MYO1D: variants seen among roughly 807,000 people sequenced by gnomAD.
The protein encoded by MYO1D is myosin ID, also known as unconventional myosin-Id.
Under a neutral mutation model 122.0 loss-of-function variants are expected in MYO1D, and 83 were observed. That is an observed-to-expected ratio of 0.68 (90% CI 0.57 to 0.82). MYO1D has a LOEUF of 0.82. Among genes scored for constraint, MYO1D ranks in the 40% least tolerant of loss-of-function variants. The pLI, the probability that MYO1D is intolerant of heterozygous loss-of-function variation, is 0.00. For synonymous variants in MYO1D, 464 were observed against 446.9 expected, an observed-to-expected ratio of 1.04 and a Z score of -0.48; for missense variants, 1,157 against 1,269.5, an observed-to-expected ratio of 0.91 and a Z score of 1.35.
intron 15 of MYO1D, among the ~76,000 whole-genome samples, chr17:32,719,290 C>T (rs1598037120): frequency 6.6e-6 from 1 of 152,166 alleles, no homozygotes; most frequent in East Asian, 1.9e-4. Context: ...TTACTGAAGG[C>T]ACTGTCATCA....
chr17:32,553,038 G>T (rs535119351), intron 21 of MYO1D, among the ~76,000 whole-genome samples: 1 of 142,862 alleles, frequency 7.0e-6, no homozygotes, highest in Non-Finnish European at 1.5e-5. Context: ...GGAGTTCAGG[G>T]CCAGTATGGG....
intron 12 of MYO1D, chr17:32,745,828 G>GT (rs2089831033): frequency 1.3e-5 from 2 of 152,850 alleles, no homozygotes; most frequent in Admixed American, 1.3e-4. Flanking sequence ...AGTATAGATG[G>GT]TTTGGAAGGG....
chr17:32,852,872 T>G (rs1348474023), intron 1 of MYO1D, among the ~76,000 whole-genome samples: 1 of 152,202 alleles, frequency 6.6e-6, no homozygotes, highest in African/African-American at 2.4e-5. Flanking sequence ...CTGTATACAT[T>G]CTCTAATAAG....
At chr17:32,767,592 T>C (rs2090070559) in intron 7 of MYO1D, 44 bp downstream of exon 7, 1 of 1,292,592 alleles carries the variant, frequency 7.7e-7, no homozygotes, top group Non-Finnish European at 1.1e-6. Context: ...AAGCATCCTG[T>C]TCTCAGCAGA....
chr17:32,751,322 G>A (rs2089896378), intron 11 of MYO1D, among the ~76,000 whole-genome samples: 1 of 151,980 alleles, frequency 6.6e-6, no homozygotes, highest in Admixed American at 6.6e-5. Flanking sequence ...ACACAGAATA[G>A]CATGTGTAAT....
Position 32,494,355 on chromosome 17 carries a change from C to A in MYO1D, c.*404G>T. The A allele has an allele frequency of 5.9e-6, 1 of 168,328 alleles. No individual in the cohort carries two copies. Among genetic ancestry groups the A allele is most frequent in the Non-Finnish European group, 1.3e-5 (1 of 78,322 alleles). The allele number at this position is 168,328 out of a possible 1,614,324, so 10.4% of individuals were successfully genotyped here. ...TTGGGCAAGAGAGGTGGCTATGGGG[C>A]TCCCGCAGAGTGGGGTCCTGCATCC... On this transcript the variant is annotated 3_prime_UTR_variant, in exon 22 of 22. Transcript: ENST00000318217.
intron 1 of MYO1D, among the ~76,000 whole-genome samples, chr17:32,804,152 G>A (rs2090486533): frequency 6.6e-6 from 1 of 152,052 alleles, no homozygotes; most frequent in African/African-American, 2.4e-5. Flanking sequence ...ACATCCTCCT[G>A]TATACTTTAA....
intron 13 of MYO1D, among the ~76,000 whole-genome samples, chr17:32,739,286 A>T (rs2089745783): frequency 6.6e-6 from 1 of 151,802 alleles, no homozygotes; most frequent in Non-Finnish European, 1.5e-5. Flanking sequence ...AATGTGGCAC[A>T]TATACACCAT....
chr17:32,563,173 T>G (rs184639015), intron 21 of MYO1D, among the ~76,000 whole-genome samples: 57 of 151,838 alleles, frequency 3.8e-4, no homozygotes, highest in African/African-American at 1.3e-3. Context: ...ATTTTCCGTT[T>G]TCTTTGCAAT....
rs2089939417 is a variant in MYO1D, at chr17:32,755,602, T to C, written c.1357A>G (p.Ile453Val). The stretch of plus-strand genomic sequence containing the variant: ...ATGCAAGCATCATCAAGGATTGCAA[T>C]GATCCCTTTGTGCTGTTGCTCCACG... ...DLVEQQHKGI[I>V]AILDDACMNV... is the part of the protein sequence containing the mutation. The change falls in exon 11 of 22, where the codon ATT (isoleucine) becomes GTT (valine). Residue 453 changes from isoleucine to valine, a missense_variant. Ile to Val is a conservative substitution (Grantham distance 29). Coordinates refer to ENST00000318217, the MANE Select transcript of MYO1D (RefSeq NM_015194.3). 3 of 1,613,694 alleles carry C rather than the reference T, an allele frequency of 1.9e-6. No homozygotes were observed. The highest frequency in any genetic ancestry group is 1.7e-5 in the Admixed American group (1 of 59,994).
At chr17:32,728,042 C>CA (rs1394948263) in intron 14 of MYO1D, among the ~76,000 whole-genome samples, 1 of 151,880 alleles carries the variant, frequency 6.6e-6, no homozygotes, top group African/African-American at 2.4e-5. Context: ...AATATTTACA[C>CA]AAAAAATCAA....
At chr17:32,706,242 G>A (rs1176178075) in intron 16 of MYO1D, among the ~76,000 whole-genome samples, 1 of 152,160 alleles carries the variant, frequency 6.6e-6, no homozygotes, top group Non-Finnish European at 1.5e-5. Context: ...GAGTAGCTGG[G>A]ATTATAGGTG....
At chr17:32,610,625 G>T (rs2087688357) in intron 20 of MYO1D, among the ~76,000 whole-genome samples, 1 of 152,108 alleles carries the variant, frequency 6.6e-6, no homozygotes, top group Non-Finnish European at 1.5e-5. Flanking sequence ...TGTCTACCTT[G>T]CAGGGTTGTG....
At chr17:32,690,914 C>T (rs2089088590) in intron 16 of MYO1D, among the ~76,000 whole-genome samples, 1 of 152,156 alleles carries the variant, frequency 6.6e-6, no homozygotes, top group South Asian at 2.1e-4. Context: ...GTCCTCTTTT[C>T]TAGTGACTTT....
At chr17:32,788,522 G>A (rs1309863385) in intron 1 of MYO1D, among the ~76,000 whole-genome samples, 1 of 152,104 alleles carries the variant, frequency 6.6e-6, no homozygotes. Flanking sequence ...ACCATTTACT[G>A]AATAGGGTGT....
In MYO1D at chr17:32,876,955, G is replaced by C; in HGVS notation, c.-83C>G. Reference sequence around the variant, plus strand: ...CCCGCGATGAGCTCGGGAGGGGCCGGGGCGAGGCCGCGCCGCGAGGCTACG... The same window carrying C: ...CCCGCGATGAGCTCGGGAGGGGCCGCGGCGAGGCCGCGCCGCGAGGCTACG... On this transcript the variant is annotated 5_prime_UTR_variant, in exon 1 of 22. Transcript: ENST00000318217. 2.5e-6 allele frequency: 2 copies of C among 795,396 alleles called. No individual in the cohort carries two copies. Among genetic ancestry groups the C allele is most frequent in the Non-Finnish European group, 3.4e-6 (2 of 592,260 alleles). The allele number at this position is 795,396 out of a possible 1,614,324, so 49.3% of individuals were successfully genotyped here.
intron 21 of MYO1D, among the ~76,000 whole-genome samples, chr17:32,586,395 A>G (rs2087387342): frequency 6.6e-6 from 1 of 152,146 alleles, no homozygotes; most frequent in Non-Finnish European, 1.5e-5. Context: ...CCTATTCCCT[A>G]TGTGTGCAAA....
intron 1 of MYO1D, among the ~76,000 whole-genome samples, chr17:32,811,005 C>T (rs573545536): frequency 2.0e-5 from 3 of 152,298 alleles, no homozygotes; most frequent in East Asian, 3.9e-4. Flanking sequence ...ATTGTAGCAA[C>T]GGCTTCACCA....
chr17:32,793,286 G>A (rs375054620), intron 1 of MYO1D, among the ~76,000 whole-genome samples: 11 of 150,200 alleles, frequency 7.3e-5, no homozygotes, highest in African/African-American at 1.2e-4. Flanking sequence ...TAAGCACAAC[G>A]ATAGAGGGTT....
Sources: gnomAD v4.1 joint callset for allele counts (sites outside exome capture counted in the v4.1 genomes callset) on GRCh38, gnomAD v4.1.1 for gene constraint, MANE v1.5 for transcripts, NCBI Gene and HGNC (gene_info 2026-07-23, HGNC 2026-07-21) for gene names.